The following TENM2 variants were observed in gnomAD, a reference collection of about 807,000 sequenced individuals.
TENM2 encodes the protein teneurin transmembrane protein 2.
In TENM2, 52 loss-of-function variants were observed where a neutral mutation model predicts 245.2. That is an observed-to-expected ratio of 0.21 (90% CI 0.17 to 0.27). The LOEUF is 0.27. Among genes scored for constraint, TENM2 ranks in the 10% least tolerant of loss-of-function variants. TENM2 has a pLI of 1.00. For missense variants in TENM2, 3,046 were observed against 3,666.8 expected (o/e 0.83, Z 4.37); for synonymous variants, 1,363 against 1,438.9 (o/e 0.95, Z 1.19).
chr5:167,297,710 G>T (rs939534694), intron 1 of TENM2, among the ~76,000 whole-genome samples: 4 of 145,498 alleles, frequency 2.7e-5, no homozygotes, highest in African/African-American at 1.1e-4. Flanking sequence ...GGGTGCAGGC[G>T]GGCTGAGTCT....
At chr5:167,976,408 T>C (rs1020461018) in intron 4 of TENM2, among the ~76,000 whole-genome samples, 1 of 152,182 alleles carries the variant, frequency 6.6e-6, no homozygotes, top group Admixed American at 6.5e-5. Context: ...TACTGGGATA[T>C]TTATGATATT....
intron 2 of TENM2, among the ~76,000 whole-genome samples, chr5:167,744,424 G>T (rs1052904743): frequency 2.0e-5 from 3 of 152,174 alleles, no homozygotes; most frequent in Non-Finnish European, 4.4e-5. Context: ...TCCTAGCCAT[G>T]ACTGAGTTAT....
chr5:167,839,450 C>A (rs1334863909), intron 2 of TENM2, among the ~76,000 whole-genome samples: 1 of 152,000 alleles, frequency 6.6e-6, no homozygotes. Context: ...AAAACCAAGG[C>A]ATCATAGCTT....
chr5:167,487,762 A>C (rs1768167900), intron 2 of TENM2, among the ~76,000 whole-genome samples: 1 of 152,130 alleles, frequency 6.6e-6, no homozygotes, highest in Non-Finnish European at 1.5e-5. Context: ...ATTTCCTAGT[A>C]TTGTCATTCT....
chr5:167,304,031 CACA>C (rs1463096041), intron 1 of TENM2, among the ~76,000 whole-genome samples: 2 of 152,182 alleles, frequency 1.3e-5, no homozygotes, highest in Non-Finnish European at 2.9e-5. Context: ...AGGCTTTTGG[CACA>C]ACATCCTGGC....
At chr5:168,103,988 CCTT>C (rs1245761134) in intron 9 of TENM2, among the ~76,000 whole-genome samples, 3 of 150,832 alleles carry the variant, frequency 2.0e-5, no homozygotes, top group East Asian at 2.0e-4. Context: ...TGATCGGTGT[CCTT>C]CTTTCTTTTC....
chr5:167,297,943 T>G (rs969007624), intron 1 of TENM2, among the ~76,000 whole-genome samples: 5 of 152,050 alleles, frequency 3.3e-5, no homozygotes, highest in African/African-American at 1.2e-4. Context: ...ATTTCTTTTG[T>G]GGTGGAATGT....
intron 2 of TENM2, among the ~76,000 whole-genome samples, chr5:167,690,378 G>GT (rs1416424032): frequency 6.6e-6 from 1 of 151,970 alleles, no homozygotes; most frequent in Non-Finnish European, 1.5e-5. Flanking sequence ...ACAGATTGGG[G>GT]TTTTTTCCCT....
intron 2 of TENM2, among the ~76,000 whole-genome samples, chr5:167,556,421 CATATATAT>C (rs4044320): frequency 6.8e-6 from 1 of 146,644 alleles, no homozygotes; most frequent in African/African-American, 2.5e-5. Context: ...TGTATACTTA[CATATATAT>C]ATATATATAT....
chr5:168,258,785 A>G (rs1046973290), intron 27 of TENM2, among the ~76,000 whole-genome samples: 5 of 152,198 alleles, frequency 3.3e-5, no homozygotes, highest in African/African-American at 7.2e-5. Flanking sequence ...ATGTTCTGAA[A>G]TTAGTAATGA....
chr5:167,132,398 C>T, the TENM2 span, among the ~76,000 whole-genome samples: 3 of 152,064 alleles, frequency 2.0e-5, no homozygotes, highest in Non-Finnish European at 4.4e-5. Flanking sequence ...GGCATTTGTG[C>T]ATCCTGTGAG....
At chr5:167,404,496 C>T (rs1006401322) in intron 2 of TENM2, among the ~76,000 whole-genome samples, 5 of 152,066 alleles carry the variant, frequency 3.3e-5, no homozygotes, top group Non-Finnish European at 7.4e-5. Flanking sequence ...GTGTAGCCCA[C>T]TGGGGAGAGA....
chr5:167,710,512 A>C (rs1758840634), intron 2 of TENM2, among the ~76,000 whole-genome samples: 1 of 152,212 alleles, frequency 6.6e-6, no homozygotes, highest in Non-Finnish European at 1.5e-5. Flanking sequence ...AAGGAGCCAG[A>C]TGAACGACAA....
At chr5:167,433,528 C>A (rs1764369109) in intron 2 of TENM2, among the ~76,000 whole-genome samples, 1 of 152,004 alleles carries the variant, frequency 6.6e-6, no homozygotes, top group Non-Finnish European at 1.5e-5. Flanking sequence ...TTTTTTTGAG[C>A]TACTAATTGT....
In TENM2 at chr5:168,036,741, GTA is replaced by G. The variant is rs553769176; in HGVS notation, c.1187-10676_1187-10675del. ...TGTATGTGTATATATATACGTATGT[GTA>G]TATATATATGTATGTGTATATATAT... On this transcript the variant is annotated intron_variant, in intron 5 of 28. Transcript: ENST00000518659. Among the ~76,000 whole-genome samples, 957 of 144,326 alleles carry G rather than the reference GTA, an allele frequency of 6.6e-3. 16 individuals carry two copies. The highest frequency in any genetic ancestry group is 0.036 in the Middle Eastern group (10 of 276). 94.7% of individuals were successfully genotyped at this position (144,326 alleles called of 152,430 possible). A position where few individuals can be genotyped will look rare whatever the true frequency, so the allele number is the denominator to read the frequency against.
At chr5:167,353,259 G>A (rs1014688525) in intron 1 of TENM2, among the ~76,000 whole-genome samples, 1 of 149,212 alleles carries the variant, frequency 6.7e-6, no homozygotes, top group Non-Finnish European at 1.5e-5. Context: ...CTATAAAAAA[G>A]GGATAAATGG....
intron 2 of TENM2, among the ~76,000 whole-genome samples, chr5:167,486,608 G>A (rs762332330): frequency 6.6e-5 from 10 of 152,096 alleles, no homozygotes; most frequent in Non-Finnish European, 1.2e-4. Context: ...GATTACAGGC[G>A]TTAGCCACCG....
chr5:167,596,223 A>G (rs1776199264), intron 2 of TENM2, among the ~76,000 whole-genome samples: 1 of 152,168 alleles, frequency 6.6e-6, no homozygotes, highest in African/African-American at 2.4e-5. Flanking sequence ...AAACATCAAC[A>G]ACTCTGAAAA....
At chr5:167,487,012 TGTC>T (rs1432027899) in intron 2 of TENM2, among the ~76,000 whole-genome samples, 2 of 152,226 alleles carry the variant, frequency 1.3e-5, no homozygotes, top group African/African-American at 4.8e-5. Flanking sequence ...GATTGTTTGT[TGTC>T]CTATCTCAGT....
Sources: gnomAD v4.1 joint callset for allele counts (sites outside exome capture counted in the v4.1 genomes callset) on GRCh38, gnomAD v4.1.1 for gene constraint, MANE v1.5 for transcripts, NCBI Gene and HGNC (gene_info 2026-07-23, HGNC 2026-07-21) for gene names.